The following FAM135B variants were observed in gnomAD, a reference collection of about 807,000 sequenced individuals.
FAM135B encodes the protein protein FAM135B.
FAM135B carries 43 observed loss-of-function variants against 127.7 expected under a neutral mutation model. The ratio of observed to expected loss-of-function variants is 0.34; its 90% CI spans 0.26 to 0.43. FAM135B has a LOEUF of 0.43. FAM135B is among the 20% of genes least tolerant of loss of function. FAM135B has a pLI of 1.00. For missense variants in FAM135B, 1,558 were observed against 1,725.6 expected, an observed-to-expected ratio of 0.90 and a Z score of 1.72; for synonymous variants, 670 against 665.1, an observed-to-expected ratio of 1.01 and a Z score of -0.11.
intron 1 of FAM135B, among the ~76,000 whole-genome samples, chr8:138,384,358 AT>A (rs1464722861): frequency 6.7e-6 from 1 of 150,328 alleles, no homozygotes; most frequent in East Asian, 1.9e-4. Context: ...TTATTTATTT[AT>A]TTATTTATTT....
chr8:138,482,975 C>T (rs921640650), intron 1 of FAM135B, among the ~76,000 whole-genome samples: 1 of 152,130 alleles, frequency 6.6e-6, no homozygotes, highest in Non-Finnish European at 1.5e-5. Context: ...CCATAAGCCA[C>T]ATTTTTCTAC....
At chr8:138,382,195 C>T (rs112860292) in intron 1 of FAM135B, among the ~76,000 whole-genome samples, 167 of 152,272 alleles carry the variant, frequency 1.1e-3, no homozygotes, top group Non-Finnish European at 1.8e-3. Flanking sequence ...CTGCCCTCCT[C>T]CCAGCCAAAA....
intron 14 of FAM135B, 110 bp from the exon 15 acceptor site, chr8:138,146,160 G>T: frequency 1.6e-6 from 1 of 628,212 alleles, no homozygotes; most frequent in Non-Finnish European, 2.8e-6. Context: ...ACTGGGTTTT[G>T]TCACTTTTGG....
intron 9 of FAM135B, among the ~76,000 whole-genome samples, chr8:138,180,878 GGCAGGCA>G (rs1384343135): frequency 6.6e-6 from 1 of 152,112 alleles, no homozygotes; most frequent in South Asian, 2.1e-4. Context: ...CTGGCTCTGG[GGCAGGCA>G]GGGGTCAAAC....
chr8:138,421,549 A>G (rs2131456617), intron 1 of FAM135B, among the ~76,000 whole-genome samples: 1 of 151,882 alleles, frequency 6.6e-6, no homozygotes, highest in East Asian at 1.9e-4. Flanking sequence ...AGTCACAAAT[A>G]TAATAAAACA....
At chr8:138,356,717 A>G (rs559110831) in intron 2 of FAM135B, among the ~76,000 whole-genome samples, 2 of 152,252 alleles carry the variant, frequency 1.3e-5, no homozygotes, top group South Asian at 4.1e-4. Context: ...CGTTTTTCCA[A>G]AAGTTTCTAA....
chr8:138,216,088 C>G (rs1409410939), intron 7 of FAM135B, among the ~76,000 whole-genome samples: 1 of 152,162 alleles, frequency 6.6e-6, no homozygotes, highest in Non-Finnish European at 1.5e-5. Flanking sequence ...AGGAGCCTGT[C>G]TGCACATGGA....
chr8:138,290,925 C>T (rs151187903), intron 3 of FAM135B, among the ~76,000 whole-genome samples: 70 of 152,256 alleles, frequency 4.6e-4, no homozygotes, highest in African/African-American at 1.6e-3. Context: ...ACACAATCAG[C>T]CATGGAGATT....
At chr8:138,389,350 T>A (rs1428238236) in intron 1 of FAM135B, among the ~76,000 whole-genome samples, 1 of 152,194 alleles carries the variant, frequency 6.6e-6, no homozygotes, top group African/African-American at 2.4e-5. Flanking sequence ...CAAAAACTTT[T>A]ACACAAATAA....
chr8:138,484,553 G>C (rs1284805277), intron 1 of FAM135B, among the ~76,000 whole-genome samples: 1 of 152,110 alleles, frequency 6.6e-6, no homozygotes, highest in Non-Finnish European at 1.5e-5. Context: ...GCATGAAGAT[G>C]ACATAAAAGT....
rs576463507 is a variant in FAM135B at position 138,358,962 on chromosome 8, G to A, written c.77+8945C>T. Among the ~76,000 whole-genome samples, 3 of 152,184 alleles carry A rather than the reference G, an allele frequency of 2.0e-5. No individual in the cohort carries two copies. The East Asian group carries it at 5.8e-4, about 30-fold the overall frequency. On this transcript the variant is annotated intron_variant, in intron 2 of 19. Coordinates refer to ENST00000395297, the MANE Select transcript of FAM135B (RefSeq NM_015912.4). ...TATACACCTGCTGAGCCTGTCCTCA[G>A]CCAGGGGTTAAGAGGATAAAAGGCT...
chr8:138,372,104 C>G lies in FAM135B; in HGVS notation c.-19-4102G>C, dbSNP rs142591835. On this transcript the variant is annotated intron_variant, in intron 1 of 19. Coordinates refer to ENST00000395297, the MANE Select transcript of FAM135B (RefSeq NM_015912.4). ...GAAGGCTGGCTTCTGAATGAGGAGG[C>G]CTTTGCCATGCCTCAGTCTAGGGTC... 5.2e-3 allele frequency among the ~76,000 whole-genome samples: 792 copies of G among 152,320 alleles called. 9 individuals carry two copies. The highest frequency in any genetic ancestry group is 0.018 in the African/African-American group (765 of 41,556).
rs534877928 is a variant in FAM135B, at chr8:138,388,615, T to C, written c.-19-20613A>G. ...GAGGCATGGAGGCACCTTACATGCA[T>C]ATTAGTAAAGTGAAAAAATGCCAAT... On this transcript the variant is annotated intron_variant, in intron 1 of 19. Coordinates refer to ENST00000395297, the MANE Select transcript of FAM135B (RefSeq NM_015912.4). 2.0e-5 allele frequency among the ~76,000 whole-genome samples: 3 copies of C among 152,286 alleles called. No individual in the cohort carries two copies. In the South Asian group the frequency reaches 6.2e-4, roughly 32 times the overall value.
intron 7 of FAM135B, among the ~76,000 whole-genome samples, chr8:138,217,667 G>T (rs1818673374): frequency 6.6e-6 from 1 of 152,166 alleles, no homozygotes; most frequent in Non-Finnish European, 1.5e-5. Context: ...TCCTGACCTT[G>T]TGATCCGCTC....
chr8:138,183,959 G>A (rs1490245519), intron 9 of FAM135B, among the ~76,000 whole-genome samples: 4 of 152,122 alleles, frequency 2.6e-5, no homozygotes, highest in Admixed American at 6.5e-5. Context: ...AGGAATTCAC[G>A]GCTCAGTGGA....
At chr8:138,325,478 CCAAA>C (rs923512341) in intron 2 of FAM135B, among the ~76,000 whole-genome samples, 2 of 152,094 alleles carry the variant, frequency 1.3e-5, no homozygotes, top group African/African-American at 4.8e-5. Context: ...AATCTGAAAC[CCAAA>C]CAGAGGAAGT....
At chr8:138,225,955 C>T (rs1207050196) in intron 7 of FAM135B, among the ~76,000 whole-genome samples, 1 of 151,950 alleles carries the variant, frequency 6.6e-6, no homozygotes, top group African/African-American at 2.4e-5. Flanking sequence ...TATGCTCATT[C>T]CATAGGGGCC....
At chr8:138,456,573 G>C (rs1836789773) in intron 1 of FAM135B, among the ~76,000 whole-genome samples, 1 of 152,138 alleles carries the variant, frequency 6.6e-6, no homozygotes, top group Admixed American at 6.5e-5. Flanking sequence ...AGGCTCGTGG[G>C]TGGTGGGTTT....
intron 2 of FAM135B, among the ~76,000 whole-genome samples, chr8:138,324,812 T>A (rs16908825): frequency 0.033 from 5,016 of 152,282 alleles, 234 homozygotes; most frequent in African/African-American, 0.11. Context: ...GTAACGACTA[T>A]ACAATACACC....
Sources: allele counts gnomAD v4.1 joint callset (sites outside exome capture counted in the v4.1 genomes callset), GRCh38; gene constraint gnomAD v4.1.1; transcripts MANE v1.5; gene names NCBI Gene and HGNC (gene_info 2026-07-23, HGNC 2026-07-21).